MMP16: variants seen among roughly 807,000 people sequenced by gnomAD.
MMP16 encodes the protein matrix metalloproteinase-16.
A neutral mutation model predicts 67.8 loss-of-function variants in MMP16; 12 were observed. The ratio of observed to expected loss-of-function variants is 0.18; its 90% CI spans 0.11 to 0.29. The LOEUF (loss-of-function observed/expected upper bound fraction) is 0.29, where lower values mean the gene tolerates loss of function less well. Among genes scored for constraint, MMP16 ranks in the 10% least tolerant of loss-of-function variants. The pLI, the probability that MMP16 is intolerant of heterozygous loss-of-function variation, is 1.00. For synonymous variants in MMP16, 249 were observed against 255.9 expected (o/e 0.97, Z 0.26); for missense variants, 475 against 765.7 (o/e 0.62, Z 4.48).
chr8:88,067,160 T>C (rs1332917453), intron 7 of MMP16, among the ~76,000 whole-genome samples: 3 of 152,120 alleles, frequency 2.0e-5, no homozygotes, highest in Admixed American at 1.3e-4. Context: ...TCTACTATTG[T>C]CAAAATACTA....
intron 1 of MMP16, among the ~76,000 whole-genome samples, chr8:88,198,838 C>T (rs184853666): frequency 6.6e-6 from 1 of 152,150 alleles, no homozygotes; most frequent in Admixed American, 6.5e-5. Flanking sequence ...TGCCAAGACA[C>T]TCTTCTCATC....
chr8:88,115,824 C>T (rs1249677837), intron 6 of MMP16, among the ~76,000 whole-genome samples: 1 of 152,036 alleles, frequency 6.6e-6, no homozygotes, highest in Non-Finnish European at 1.5e-5. Flanking sequence ...CTTCCAATAT[C>T]ACATAATTTA....
chr8:88,288,909 G>C lies in MMP16; in HGVS notation c.132+38166C>G, dbSNP rs186119287. On this transcript the variant is annotated intron_variant, in intron 1 of 9. Coordinates refer to ENST00000286614, the MANE Select transcript of MMP16 (RefSeq NM_005941.5). ...AAGAGTCTTTGGACATTTTCTGAGG[G>C]AACAAAAAAGCAGCAAGACAAATTC... Among the ~76,000 whole-genome samples, 281 of 152,150 alleles carry C rather than the reference G, an allele frequency of 1.8e-3. 1 individual carries two copies. The highest frequency in any genetic ancestry group is 3.3e-3 in the Non-Finnish European group (221 of 67,992).
chr8:88,039,956 G>C lies in MMP16; in HGVS notation c.*1505C>G, dbSNP rs990174801. ...TGATCAAATGGACGGCTAAATGCCAGAAGCCACACTAACCCTTTGAGAACT... is the reference window on the plus strand; with the variant it reads ...TGATCAAATGGACGGCTAAATGCCACAAGCCACACTAACCCTTTGAGAACT... On this transcript the variant is annotated 3_prime_UTR_variant, in exon 10 of 10. Transcript: ENST00000286614. This position sits in a 1 kb window ranked among gnomAD's most constrained non-coding sequence, Gnocchi z 4.5. The C allele has an allele frequency of 1.3e-5, 2 of 152,576 alleles. No homozygotes were observed. Among genetic ancestry groups the C allele is most frequent in the African/African-American group, 4.8e-5 (2 of 41,438 alleles). 9.5% of individuals were successfully genotyped at this position (152,576 alleles called of 1,614,324 possible).
rs371063175 is a variant in MMP16, at chr8:88,111,734, C to CA, written c.1083+4772dup. Among the ~76,000 whole-genome samples the CA allele has an allele frequency of 2.3e-3, 355 of 151,392 alleles. 3 individuals are homozygous for CA. Among genetic ancestry groups the CA allele is most frequent in the Middle Eastern group, 6.8e-3 (2 of 294 alleles). On this transcript the variant is annotated intron_variant, in intron 6 of 9. Transcript: ENST00000286614. ...TGAAAGGAGGCAGCAAAGGAGGAAG[C>CA]AAAAAAACCAATCTGGGGGATACTA...
chr8:88,269,360 A>G (rs1810528956), intron 1 of MMP16, among the ~76,000 whole-genome samples: 1 of 152,118 alleles, frequency 6.6e-6, no homozygotes, highest in African/African-American at 2.4e-5. Flanking sequence ...ATCTCTCTCT[A>G]TGGGGTAACA....
intron 1 of MMP16, among the ~76,000 whole-genome samples, chr8:88,293,238 TACTA>T (rs1333077943): frequency 6.6e-6 from 1 of 152,202 alleles, no homozygotes. Flanking sequence ...TTTTATGTCT[TACTA>T]CCTTCCCTCC....
intron 6 of MMP16, among the ~76,000 whole-genome samples, chr8:88,075,969 AC>A: frequency 6.6e-6 from 1 of 151,674 alleles, no homozygotes; most frequent in South Asian, 2.1e-4. Flanking sequence ...ACACACACAC[AC>A]ACACAAAATC....
At chr8:88,287,287 C>T (rs1810847385) in intron 1 of MMP16, among the ~76,000 whole-genome samples, 1 of 152,194 alleles carries the variant, frequency 6.6e-6, no homozygotes, top group African/African-American at 2.4e-5. Context: ...AACATCTCTC[C>T]CCATTCCTTC....
At chr8:88,312,549 G>GA (rs1811311610) in intron 1 of MMP16, among the ~76,000 whole-genome samples, 1 of 152,108 alleles carries the variant, frequency 6.6e-6, no homozygotes, top group African/African-American at 2.4e-5. Context: ...CCACAGCCAG[G>GA]AAAATTAACA....
intron 1 of MMP16, among the ~76,000 whole-genome samples, chr8:88,313,072 C>T (rs565463464): frequency 2.0e-5 from 3 of 152,230 alleles, no homozygotes; most frequent in African/African-American, 7.2e-5. Context: ...TTTGTTCACT[C>T]AGCCTAATTG....
chr8:88,283,771 T>C (rs1197842788), intron 1 of MMP16, among the ~76,000 whole-genome samples: 3 of 152,180 alleles, frequency 2.0e-5, no homozygotes, highest in African/African-American at 7.2e-5. Context: ...ACCGAGAACA[T>C]ATAAAAATTT....
In MMP16 at chr8:88,070,542, G is replaced by A. The variant is rs138003383; in HGVS notation, c.1222+4063C>T. Among the ~76,000 whole-genome samples, 234 of 152,046 alleles carry A rather than the reference G, an allele frequency of 1.5e-3. 1 individual carries two copies. Among genetic ancestry groups the A allele is most frequent in the South Asian group, 5.4e-3 (26 of 4,826 alleles). The stretch of plus-strand genomic sequence containing the variant: ...AGCTGACCAATACTCTTTCCAATAC[G>A]TATGGGGGTCCATCTGCTCATCTCT... On this transcript the variant is annotated intron_variant, in intron 7 of 9. Coordinates refer to ENST00000286614, the MANE Select transcript of MMP16 (RefSeq NM_005941.5).
rs561519235 is a variant in MMP16, at chr8:88,088,710, G to C, written c.1084-13967C>G. ...GCTGTGGTTTATTTACTTAAATAAA[G>C]AGTTCAAAAGGTAACTGCCCTTCTT... On this transcript the variant is annotated intron_variant, in intron 6 of 9. Transcript: ENST00000286614. Among the ~76,000 whole-genome samples, 26 of 152,108 alleles carry C rather than the reference G, an allele frequency of 1.7e-4. No individual in the cohort carries two copies. In the South Asian group the frequency reaches 4.4e-3, roughly 25 times the overall value.
At chr8:88,321,063 T>C (rs1586019076) in intron 1 of MMP16, among the ~76,000 whole-genome samples, 1 of 152,188 alleles carries the variant, frequency 6.6e-6, no homozygotes, top group Non-Finnish European at 1.5e-5. Context: ...CCATATATCA[T>C]TACTTAGCAT....
chr8:88,054,992 G>T (rs973878478), intron 8 of MMP16, among the ~76,000 whole-genome samples: 1 of 152,012 alleles, frequency 6.6e-6, no homozygotes, highest in Admixed American at 6.6e-5. Context: ...GCAGACTTAA[G>T]TCATCCTACA....
intron 1 of MMP16, among the ~76,000 whole-genome samples, chr8:88,199,044 C>A (rs1005172015): frequency 2.2e-4 from 34 of 152,044 alleles, no homozygotes; most frequent in African/African-American, 7.7e-4. Flanking sequence ...TAATAATATA[C>A]ATGCACCAAT....
chr8:88,263,049 A>C (rs1392729662), intron 1 of MMP16, among the ~76,000 whole-genome samples: 1 of 132,002 alleles, frequency 7.6e-6, no homozygotes, highest in African/African-American at 3.2e-5. Context: ...TAAATAAATA[A>C]AATAAAAAAA....
chr8:88,147,128 CACTTT>C (rs1808306606), intron 4 of MMP16, among the ~76,000 whole-genome samples: 1 of 151,934 alleles, frequency 6.6e-6, no homozygotes, highest in African/African-American at 2.4e-5. Context: ...ATCACCTGAT[CACTTT>C]ACTTGCTTTC....
Sources: gnomAD v4.1 joint callset for allele counts (sites outside exome capture counted in the v4.1 genomes callset) on GRCh38, gnomAD v4.1.1 for gene constraint, Gnocchi (gnomAD v3.1) non-coding constraint, MANE v1.5 for transcripts, NCBI Gene and HGNC (gene_info 2026-07-23, HGNC 2026-07-21) for gene names.